PHLPP1: variants seen among roughly 807,000 people sequenced by gnomAD.
The protein encoded by PHLPP1 is PH domain and leucine rich repeat protein phosphatase 1.
Under a neutral mutation model 117.2 loss-of-function variants are expected in PHLPP1, and 42 were observed. The ratio of observed to expected loss-of-function variants is 0.36; its 90% CI spans 0.28 to 0.46. The LOEUF (loss-of-function observed/expected upper bound fraction) is 0.46. PHLPP1 is among the 20% of genes least tolerant of loss of function. The pLI, the probability that PHLPP1 is intolerant of heterozygous loss-of-function variation, is 1.00. For synonymous variants in PHLPP1, 1,042 were observed against 970.7 expected, an observed-to-expected ratio of 1.07 and a Z score of -1.37; for missense variants, 2,084 against 2,241.9, an observed-to-expected ratio of 0.93 and a Z score of 1.42.
rs1219390323 is a variant in PHLPP1 at position 62,716,942 on chromosome 18, C to G, written c.1259C>G (p.Pro420Arg). Residue 420 changes from proline (P) to arginine (R), a missense_variant, in exon 1 of 17, where the codon CCG (proline) becomes CGG (arginine). Physicochemically the swap from Pro to Arg is moderately radical, Grantham distance 103. Coordinates refer to ENST00000262719, the MANE Select transcript of PHLPP1 (RefSeq NM_194449.4). The surrounding 1 kb of genome is among the most constrained non-coding windows in gnomAD (Gnocchi z 5.7). The part of the protein sequence containing the change: ...ASSPQPQQKA[P>R]RAIDSPGGAV... ...TCGCCTCAGCCGCAGCAGAAAGCCC[C>G]GAGGGCCATTGACAGCCCGGGCGGG... is the stretch of plus-strand genomic sequence containing the variant. 5 of 1,536,912 alleles carry G rather than the reference C, an allele frequency of 3.3e-6. No individual in the cohort carries two copies. Among genetic ancestry groups the G allele is most frequent in the East Asian group, 4.9e-5 (2 of 40,736 alleles).
intron 12 of PHLPP1, among the ~76,000 whole-genome samples, chr18:62,953,830 C>T (rs1039288751): frequency 2.0e-5 from 3 of 151,962 alleles, no homozygotes; most frequent in Non-Finnish European, 4.4e-5. Flanking sequence ...CTGGGGAGCA[C>T]GGTGGAGGTG....
At chr18:62,966,591 C>T (rs1207074867) in intron 14 of PHLPP1, among the ~76,000 whole-genome samples, 1 of 151,718 alleles carries the variant, frequency 6.6e-6, no homozygotes, top group East Asian at 1.9e-4. Context: ...CTGCCTCAGC[C>T]TCCTGAGTAG....
intron 1 of PHLPP1, among the ~76,000 whole-genome samples, chr18:62,752,233 T>C (rs1219983059): frequency 6.6e-6 from 1 of 152,206 alleles, no homozygotes; most frequent in Admixed American, 6.5e-5. Context: ...ATGAGCACTG[T>C]GCCTGTCCAG....
chr18:62,885,201 TTC>T (rs375867173), intron 4 of PHLPP1, among the ~76,000 whole-genome samples: 72 of 152,314 alleles, frequency 4.7e-4, no homozygotes, highest in African/African-American at 1.5e-3. Flanking sequence ...GTATATTTGT[TTC>T]TTTCTTTCAA....
chr18:62,886,697 G>A (rs1311106128), intron 4 of PHLPP1, among the ~76,000 whole-genome samples: 1 of 152,170 alleles, frequency 6.6e-6, no homozygotes, highest in African/African-American at 2.4e-5. Context: ...AGTTGATTGT[G>A]CTTTTCTGTG....
intron 1 of PHLPP1, among the ~76,000 whole-genome samples, chr18:62,821,295 A>G (rs1225744038): frequency 6.6e-6 from 1 of 152,144 alleles, no homozygotes; most frequent in Non-Finnish European, 1.5e-5. Context: ...TAGTAAAAGA[A>G]GCAATAAGCA....
At chr18:62,935,041 C>T (rs536506455) in intron 10 of PHLPP1, among the ~76,000 whole-genome samples, 1 of 152,124 alleles carries the variant, frequency 6.6e-6, no homozygotes, top group African/African-American at 2.4e-5. Flanking sequence ...GGTAATTAGA[C>T]AAGAAAAGAT....
At chr18:62,786,213 A>G (rs1913279317) in intron 1 of PHLPP1, among the ~76,000 whole-genome samples, 1 of 152,238 alleles carries the variant, frequency 6.6e-6, no homozygotes, top group Admixed American at 6.5e-5. Flanking sequence ...TGTAAGGAGT[A>G]ATAGGCATTT....
Position 62,811,936 on chromosome 18 carries a change from G to A in PHLPP1, c.1577-18099G>A, listed in dbSNP as rs569235436. ...TTATTATCTAATGCAGTAGAGAGGA[G>A]TGGAACATAAAGTTTTTAGGAAATT... On this transcript the variant is annotated intron_variant, in intron 1 of 16. Coordinates refer to ENST00000262719, the MANE Select transcript of PHLPP1 (RefSeq NM_194449.4). Among the ~76,000 whole-genome samples the A allele has an allele frequency of 3.0e-4, 46 of 152,286 alleles. No homozygotes were observed. The East Asian group carries it at 8.7e-3, about 29-fold the overall frequency.
intron 1 of PHLPP1, among the ~76,000 whole-genome samples, chr18:62,727,242 A>AG (rs1364954809): frequency 6.6e-6 from 1 of 151,190 alleles, no homozygotes; most frequent in Non-Finnish European, 1.5e-5. Context: ...AAAAAAAAAA[A>AG]AAGGGAAGGA....
In PHLPP1 at chr18:62,980,051, T is replaced by TTTGTAGTC. The variant is rs1911329455; in HGVS notation, c.*624_*631dup. The TTTGTAGTC allele has an allele frequency of 6.5e-6, 1 of 152,732 alleles. No individual in the cohort carries two copies. The highest frequency in any genetic ancestry group is 1.5e-5 in the Non-Finnish European group (1 of 68,142). The allele number at this position is 152,732 out of a possible 1,614,324, so 9.5% of individuals were successfully genotyped here. A position where few individuals can be genotyped will look rare whatever the true frequency, so the allele number is the denominator to read the frequency against. ...TGTTGTATAGTGAGGCTTACGATGTTTTGTAGTCTTGGCGTAAGGACACAG... is the reference window on the plus strand; with the variant it reads ...TGTTGTATAGTGAGGCTTACGATGTTTTGTAGTCTTGTAGTCTTGGCGTAAGGACACAG... On this transcript the variant is annotated 3_prime_UTR_variant, in exon 17 of 17. Coordinates refer to ENST00000262719, the MANE Select transcript of PHLPP1 (RefSeq NM_194449.4).
intron 4 of PHLPP1, among the ~76,000 whole-genome samples, chr18:62,882,268 C>CT (rs1916189465): frequency 1.3e-5 from 2 of 150,952 alleles, no homozygotes; most frequent in Admixed American, 6.6e-5. Context: ...ATTCACTTAA[C>CT]TATTTTTTTT....
chr18:62,825,732 G>A (rs1914595276), intron 1 of PHLPP1, among the ~76,000 whole-genome samples: 1 of 151,962 alleles, frequency 6.6e-6, no homozygotes, highest in South Asian at 2.1e-4. Context: ...GAGATTACAG[G>A]CATAAGCCAC....
At chr18:62,766,987 T>G (rs180814739) in intron 1 of PHLPP1, among the ~76,000 whole-genome samples, 63 of 152,346 alleles carry the variant, frequency 4.1e-4, no homozygotes, top group South Asian at 1.9e-3. Flanking sequence ...ACCTGTTATT[T>G]TATAATTAAC....
At chr18:62,830,463 A>C (rs190378789) in intron 2 of PHLPP1, among the ~76,000 whole-genome samples, 3 of 152,210 alleles carry the variant, frequency 2.0e-5, no homozygotes, top group Non-Finnish European at 4.4e-5. Flanking sequence ...TCCTGACCTC[A>C]AGTGATCTGC....
At chr18:62,751,483 G>A (rs1169390666) in intron 1 of PHLPP1, among the ~76,000 whole-genome samples, 2 of 152,192 alleles carry the variant, frequency 1.3e-5, no homozygotes, top group African/African-American at 4.8e-5. Context: ...AGAGTCATTT[G>A]GCCTTGTTAG....
Position 62,912,316 on chromosome 18 carries a change from T to A in PHLPP1, c.2709-2597T>A, listed in dbSNP as rs866223123. 1.5e-3 allele frequency among the ~76,000 whole-genome samples: 217 copies of A among 140,390 alleles called. 2 individuals are homozygous for A. The highest frequency in any genetic ancestry group is 4.6e-3 in the African/African-American group (176 of 38,382). 92.1% of individuals were successfully genotyped at this position (140,390 alleles called of 152,430 possible). A position where few individuals can be genotyped will look rare whatever the true frequency, so the allele number is the denominator to read the frequency against. ...TTAGAGTATAATAAAAAAAAAAAAT[T>A]AAAAAAAAAATAATAAAAAACCTGA... On this transcript the variant is annotated intron_variant, in intron 8 of 16. Coordinates refer to ENST00000262719, the MANE Select transcript of PHLPP1 (RefSeq NM_194449.4).
intron 4 of PHLPP1, 38 bp from the exon 5 acceptor site, chr18:62,894,973 G>A (rs1367451103): frequency 6.7e-7 from 1 of 1,497,208 alleles, no homozygotes; most frequent in Non-Finnish European, 9.1e-7. Context: ...AATGACATTT[G>A]TCTCTTTTTT....
chr18:62,866,330 C>T (rs548838526), intron 4 of PHLPP1, among the ~76,000 whole-genome samples: 6 of 151,972 alleles, frequency 3.9e-5, no homozygotes, highest in Non-Finnish European at 5.9e-5. Flanking sequence ...CTGCAACCTC[C>T]GCCCCCCAGG....
Sources: allele counts gnomAD v4.1 joint callset (sites outside exome capture counted in the v4.1 genomes callset), GRCh38; gene constraint gnomAD v4.1.1; non-coding constraint Gnocchi (gnomAD v3.1); transcripts MANE v1.5; gene names NCBI Gene and HGNC (gene_info 2026-07-23, HGNC 2026-07-21).